Variants in TRDN observed in about 807,000 individuals in gnomAD.
TRDN encodes the protein triadin.
Under a neutral mutation model 149.7 loss-of-function variants are expected in TRDN, and 161 were observed. The ratio of observed to expected loss-of-function variants is 1.08; its 90% CI spans 0.95 to 1.23. TRDN has a LOEUF of 1.23. Ranked by LOEUF, TRDN falls within the 50% of genes most tolerant of loss-of-function variation. The pLI, the probability that TRDN is intolerant of heterozygous loss-of-function variation, is 0.00. For missense variants in TRDN, 896 were observed against 823.5 expected (o/e 1.09, Z -1.08); for synonymous variants, 294 against 250.5 (o/e 1.17, Z -1.64).
chr6:123,408,146 A>G (rs574531246), intron 12 of TRDN, among the ~76,000 whole-genome samples: 178 of 152,300 alleles, frequency 1.2e-3, no homozygotes, highest in Non-Finnish European at 1.8e-3. Context: ...GAATGCATTG[A>G]AAATGCTTAT....
At chr6:123,555,597 T>A (rs576068338) in intron 2 of TRDN, among the ~76,000 whole-genome samples, 65 of 152,302 alleles carry the variant, frequency 4.3e-4, no homozygotes, top group African/African-American at 1.4e-3. Context: ...CACTTGATAT[T>A]TTGGCATCTG....
chr6:123,364,340 A>T (rs1781008791), intron 20 of TRDN, among the ~76,000 whole-genome samples: 1 of 152,146 alleles, frequency 6.6e-6, no homozygotes, highest in Non-Finnish European at 1.5e-5. Context: ...AAGGCTCTGT[A>T]TATAAAATCT....
intron 6 of TRDN, among the ~76,000 whole-genome samples, chr6:123,512,765 A>G (rs1386152984): frequency 6.6e-6 from 1 of 151,006 alleles, no homozygotes. Flanking sequence ...TACATTTTTC[A>G]ATATTTACAT....
intron 1 of TRDN, among the ~76,000 whole-genome samples, chr6:123,574,434 C>T (rs9490811): frequency 4.6e-5 from 7 of 152,050 alleles, no homozygotes; most frequent in African/African-American, 1.4e-4. Context: ...AAATTCACAT[C>T]ACTCCTAATG....
At chr6:123,317,645 T>C (rs892677384) in intron 23 of TRDN, among the ~76,000 whole-genome samples, 1 of 151,958 alleles carries the variant, frequency 6.6e-6, no homozygotes, top group African/African-American at 2.4e-5. Flanking sequence ...TATTTTAATG[T>C]TTTCTATGTG....
At chr6:123,547,958 C>G (rs1781199670) in intron 3 of TRDN, among the ~76,000 whole-genome samples, 1 of 152,040 alleles carries the variant, frequency 6.6e-6, no homozygotes, top group Admixed American at 6.6e-5. Context: ...TTCTATTCTA[C>G]ACCACCATTT....
chr6:123,245,363 T>C (rs1776133932), intron 38 of TRDN, among the ~76,000 whole-genome samples: 1 of 150,762 alleles, frequency 6.6e-6, no homozygotes, highest in African/African-American at 2.4e-5. Context: ...CACATGCAAA[T>C]ACACACATAG....
chr6:123,437,936 C>T, intron 12 of TRDN, 127 bp downstream of exon 12: 1 of 779,562 alleles, frequency 1.3e-6, no homozygotes, highest in Non-Finnish European at 2.1e-6. Flanking sequence ...GCAAGTTTTG[C>T]TTTGACCTTC....
intron 24 of TRDN, among the ~76,000 whole-genome samples, chr6:123,283,552 T>C (rs1777680239): frequency 6.6e-6 from 1 of 150,434 alleles, no homozygotes; most frequent in Non-Finnish European, 1.5e-5. Context: ...AAAAGATAAA[T>C]AAGATTAACC....
chr6:123,278,196 A>C (rs2114625791), intron 26 of TRDN, 122 bp downstream of exon 26: 2 of 644,604 alleles, frequency 3.1e-6, no homozygotes, highest in Admixed American at 4.9e-5. Flanking sequence ...GTTTTTTTTT[A>C]AGTTGGTCAA....
chr6:123,398,226 C>T (rs1352597851), intron 12 of TRDN, among the ~76,000 whole-genome samples: 5 of 152,246 alleles, frequency 3.3e-5, no homozygotes, highest in East Asian at 3.9e-4. Context: ...AGGCTGGTCT[C>T]GAACTGCTGA....
intron 35 of TRDN, among the ~76,000 whole-genome samples, chr6:123,256,255 A>G (rs1776557753): frequency 6.6e-6 from 1 of 152,154 alleles, no homozygotes; most frequent in Non-Finnish European, 1.5e-5. Flanking sequence ...ATGTCCCTGC[A>G]AAGGACATGA....
At chr6:123,425,083 G>A (rs182674587) in intron 12 of TRDN, among the ~76,000 whole-genome samples, 1 of 152,134 alleles carries the variant, frequency 6.6e-6, no homozygotes, top group East Asian at 1.9e-4. Context: ...ATATTTCAAA[G>A]GTGAAAGTGA....
At chr6:123,316,919 G>C (rs1482018810) in intron 23 of TRDN, among the ~76,000 whole-genome samples, 1 of 151,302 alleles carries the variant, frequency 6.6e-6, no homozygotes, top group Non-Finnish European at 1.5e-5. Context: ...TAATTCATGG[G>C]GCTCCACCTA....
chr6:123,306,290 C>T (rs1778608893), intron 24 of TRDN, among the ~76,000 whole-genome samples: 1 of 152,094 alleles, frequency 6.6e-6, no homozygotes, highest in Admixed American at 6.6e-5. Flanking sequence ...TGACCCCAAA[C>T]ATTTCCCCAG....
intron 38 of TRDN, among the ~76,000 whole-genome samples, chr6:123,228,979 G>A (rs1775492720): frequency 6.6e-6 from 1 of 151,938 alleles, no homozygotes; most frequent in Admixed American, 6.6e-5. Context: ...CAATGAAGAG[G>A]TAAGCATAAT....
At chr6:123,248,998 A>G (rs1181881712) in intron 38 of TRDN, among the ~76,000 whole-genome samples, 1 of 152,128 alleles carries the variant, frequency 6.6e-6, no homozygotes, top group Non-Finnish European at 1.5e-5. Flanking sequence ...ATCCAACATC[A>G]TTTTGAAAAG....
At chr6:123,592,823 A>G (rs895245435) in intron 1 of TRDN, among the ~76,000 whole-genome samples, 1 of 152,190 alleles carries the variant, frequency 6.6e-6, no homozygotes, top group South Asian at 2.1e-4. Context: ...ATCTAGGGTT[A>G]TGCTCTGCAA....
chr6:123,268,452 A>C (rs1777090962), intron 31 of TRDN, among the ~76,000 whole-genome samples: 1 of 152,118 alleles, frequency 6.6e-6, no homozygotes, highest in Non-Finnish European at 1.5e-5. Flanking sequence ...AGTGGAATTT[A>C]AAGTCAACCA....
Sources: allele counts gnomAD v4.1 joint callset (sites outside exome capture counted in the v4.1 genomes callset), GRCh38; gene constraint gnomAD v4.1.1; transcripts MANE v1.5; gene names NCBI Gene and HGNC (gene_info 2026-07-23, HGNC 2026-07-21).